The following FBRSL1 variants were observed in gnomAD, a reference collection of about 807,000 sequenced individuals.
The protein encoded by FBRSL1 is fibrosin like 1.
In FBRSL1, 51 loss-of-function variants were observed where a neutral mutation model predicts 89.6. The observed-to-expected ratio is 0.57, with a 90% CI of 0.45 to 0.72. The LOEUF is 0.72. FBRSL1 is among the 30% of genes least tolerant of loss of function. The probability of loss-of-function intolerance (pLI) is 0.00; values close to 1 mark genes in which losing one functional copy is unlikely to be tolerated. For missense variants in FBRSL1, 1,618 were observed against 1,451.8 expected, an observed-to-expected ratio of 1.11 and a Z score of -1.86; for synonymous variants, 779 against 681.1, an observed-to-expected ratio of 1.14 and a Z score of -2.24.
At chr12:132,581,623 T>A in intron 16 of FBRSL1, 107 bp downstream of exon 16, 1 of 1,481,892 alleles carries the variant, frequency 6.7e-7, no homozygotes, top group Non-Finnish European at 9.2e-7. Flanking sequence ...AGGGAGCCCC[T>A]TGGGTCATGC....
At chr12:132,493,112 G>A (rs12811407) in intron 1 of FBRSL1, among the ~76,000 whole-genome samples, 43,738 of 152,190 alleles carry the variant, frequency 0.29, 6,577 homozygotes, top group Non-Finnish European at 0.32. Flanking sequence ...CAGAGCAAGA[G>A]CAAGGAGCAC....
At chr12:132,496,595 C>T (rs2032074089) in intron 1 of FBRSL1, among the ~76,000 whole-genome samples, 1 of 152,250 alleles carries the variant, frequency 6.6e-6, no homozygotes, top group Non-Finnish European at 1.5e-5. Flanking sequence ...ATTGGCCCTG[C>T]TGGCGTCTGC....
intron 1 of FBRSL1, among the ~76,000 whole-genome samples, chr12:132,503,079 C>T (rs2033220770): frequency 6.6e-6 from 1 of 151,950 alleles, no homozygotes; most frequent in Admixed American, 6.5e-5. Flanking sequence ...GCAGCAGTAA[C>T]GGCCAAGCTG....
At chr12:132,566,457 A>C (rs1010253006) in intron 5 of FBRSL1, 3 of 151,726 alleles carry the variant, frequency 2.0e-5, no homozygotes, top group African/African-American at 7.3e-5. Flanking sequence ...ATATCTATTT[A>C]AGGTCATTCT....
In FBRSL1 at chr12:132,583,477, A is replaced by AGCGCGCGCGGGCCCC. The variant is rs1348602973; in HGVS notation, c.2711_2725dup (p.Arg904_Pro908dup). The AGCGCGCGCGGGCCCC allele has an allele frequency of 9.5e-7, 1 of 1,053,336 alleles. No homozygotes were observed. Among genetic ancestry groups the AGCGCGCGCGGGCCCC allele is most frequent in the Non-Finnish European group, 1.1e-6 (1 of 873,230 alleles). The allele number at this position is 1,053,336 out of a possible 1,614,324, so 65.2% of individuals were successfully genotyped here. A position where few individuals can be genotyped will look rare whatever the true frequency, so the allele number is the denominator to read the frequency against. On this transcript the variant is annotated inframe_insertion, in exon 19 of 19. Coordinates refer to ENST00000680143, the MANE Select transcript of FBRSL1 (RefSeq NM_001367871.1). ...CCCGAGCGCCTGCGCGGGGAGCTGGAGCGCGCGCGGGCCCCGCACCTGCCG... is the reference window on the plus strand; with the variant it reads ...CCCGAGCGCCTGCGCGGGGAGCTGGAGCGCGCGCGGGCCCCGCGCGCGCGGGCCCCGCACCTGCCG...
intron 1 of FBRSL1, among the ~76,000 whole-genome samples, chr12:132,500,728 G>A (rs2032832525): frequency 3.3e-5 from 5 of 151,794 alleles, no homozygotes; most frequent in Admixed American, 3.3e-4. Context: ...TCCAGCCCGG[G>A]ACAGCCCATT....
chr12:132,545,122 C>T (rs1183833736), intron 4 of FBRSL1, among the ~76,000 whole-genome samples: 2 of 152,190 alleles, frequency 1.3e-5, no homozygotes, highest in African/African-American at 4.8e-5. Flanking sequence ...CAGTGCGGCA[C>T]AGAGCGGGCG....
At chr12:132,544,694 T>G (rs557317884) in intron 4 of FBRSL1, among the ~76,000 whole-genome samples, 13 of 151,762 alleles carry the variant, frequency 8.6e-5, no homozygotes, top group Admixed American at 2.6e-4. Context: ...GAGGATGGTG[T>G]TGGTGGTGGT....
At chr12:132,522,653 C>T (rs1593331149) in intron 2 of FBRSL1, among the ~76,000 whole-genome samples, 1 of 152,346 alleles carries the variant, frequency 6.6e-6, no homozygotes, top group East Asian at 1.9e-4. Context: ...GCTGTTCCTC[C>T]TGCCCTGCTC....
intron 1 of FBRSL1, among the ~76,000 whole-genome samples, chr12:132,501,680 A>G (rs1399312869): frequency 6.6e-6 from 1 of 152,102 alleles, no homozygotes; most frequent in Non-Finnish European, 1.5e-5. Context: ...ATTCCTGTGC[A>G]GGGGCCAGTG....
intron 5 of FBRSL1, among the ~76,000 whole-genome samples, chr12:132,559,761 G>C (rs1012325757): frequency 4.6e-5 from 7 of 152,324 alleles, no homozygotes; most frequent in South Asian, 2.1e-4. Flanking sequence ...GTAACTTCTT[G>C]TTGTGAGGAC....
At chr12:132,523,467 C>T (rs949509761) in intron 2 of FBRSL1, among the ~76,000 whole-genome samples, 1 of 152,034 alleles carries the variant, frequency 6.6e-6, no homozygotes, top group Non-Finnish European at 1.5e-5. Flanking sequence ...GGGGGTGACG[C>T]GTTCCATCTG....
At chr12:132,496,823 G>A (rs1011722027) in intron 1 of FBRSL1, among the ~76,000 whole-genome samples, 2 of 141,036 alleles carry the variant, frequency 1.4e-5, no homozygotes, top group African/African-American at 2.6e-5. Flanking sequence ...GCCGCCCCGC[G>A]CTTCCTTCCC....
rs569572427 is a variant in FBRSL1, at chr12:132,529,674, T to C, written c.615+1686T>C. ...TGGGCTTGGCTCTGCCACCCTGGGC[T>C]CGGCTCTGCACCCCTGGGCTCTGCC... is the stretch of plus-strand genomic sequence containing the variant. On this transcript the variant is annotated intron_variant, in intron 4 of 18. Transcript: ENST00000680143. 1.1e-4 allele frequency among the ~76,000 whole-genome samples: 16 copies of C among 151,478 alleles called. No homozygotes were observed. In the East Asian group the frequency reaches 3.1e-3, roughly 29 times the overall value.
chr12:132,508,464 G>A (rs558550238), intron 2 of FBRSL1, 114 bp downstream of exon 2: 63 of 1,205,850 alleles, frequency 5.2e-5, no homozygotes, highest in Non-Finnish European at 6.8e-5. Flanking sequence ...GCCTGGCAGC[G>A]CGCCCATCGT....
intron 5 of FBRSL1, chr12:132,551,727 C>T (rs2038181620): frequency 2.6e-6 from 1 of 379,210 alleles, no homozygotes; most frequent in Non-Finnish European, 5.5e-6. Context: ...CAGCCGCCCC[C>T]TCCCCTGGCC....
chr12:132,543,978 A>G (rs1197517838), intron 4 of FBRSL1, among the ~76,000 whole-genome samples: 1 of 151,858 alleles, frequency 6.6e-6, no homozygotes, highest in Non-Finnish European at 1.5e-5. Flanking sequence ...GTGGTCTGGA[A>G]CCCCTGTCGG....
chr12:132,530,995 G>C lies in FBRSL1; in HGVS notation c.615+3007G>C, dbSNP rs1396218343. ...CCTGCGGGCCCCTTGTGTCCAGTGT[G>C]GGGGGGGGGGTGCAGGTGAGAGCCC... is the stretch of plus-strand genomic sequence containing the variant. On this transcript the variant is annotated intron_variant, in intron 4 of 18. Coordinates refer to ENST00000680143, the MANE Select transcript of FBRSL1 (RefSeq NM_001367871.1). 1.9e-4 allele frequency among the ~76,000 whole-genome samples: 7 copies of C among 36,636 alleles called. No homozygotes were observed. The South Asian group carries it at 2.3e-3, about 12-fold the overall frequency. 24.0% of individuals were successfully genotyped at this position (36,636 alleles called of 152,430 possible). A position where few individuals can be genotyped will look rare whatever the true frequency, so the allele number is the denominator to read the frequency against.
At chr12:132,517,228 C>A (rs957550038) in intron 2 of FBRSL1, among the ~76,000 whole-genome samples, 6 of 152,162 alleles carry the variant, frequency 3.9e-5, no homozygotes, top group Non-Finnish European at 7.4e-5. Flanking sequence ...GGCCCTCCTA[C>A]AAACCAAGAG....
Sources: allele counts gnomAD v4.1 joint callset (sites outside exome capture counted in the v4.1 genomes callset), GRCh38; gene constraint gnomAD v4.1.1; transcripts MANE v1.5; gene names NCBI Gene and HGNC (gene_info 2026-07-23, HGNC 2026-07-21).